Variants in ZNF407 observed in about 807,000 individuals in gnomAD.
ZNF407 encodes the protein zinc finger protein 407.
A neutral mutation model predicts 131.2 loss-of-function variants in ZNF407; 17 were observed. That is an observed-to-expected ratio of 0.13 (90% CI 0.09 to 0.19). ZNF407 has a LOEUF of 0.19. ZNF407 is among the 10% of genes least tolerant of loss of function. The probability of loss-of-function intolerance (pLI) is 1.00; values close to 1 mark genes in which losing one functional copy is unlikely to be tolerated. For synonymous variants in ZNF407, 1,156 were observed against 1,062.0 expected, an observed-to-expected ratio of 1.09 and a Z score of -1.72; for missense variants, 2,681 against 2,830.6, an observed-to-expected ratio of 0.95 and a Z score of 1.20.
intron 8 of ZNF407, among the ~76,000 whole-genome samples, chr18:75,031,169 G>A (rs577090948): frequency 6.6e-6 from 1 of 152,286 alleles, no homozygotes; most frequent in Non-Finnish European, 1.5e-5. Context: ...AAGGGCCAGG[G>A]GAGCTGATTA....
At chr18:74,784,514 C>T (rs1969667416) in intron 4 of ZNF407, among the ~76,000 whole-genome samples, 1 of 152,186 alleles carries the variant, frequency 6.6e-6, no homozygotes, top group Admixed American at 6.5e-5. Context: ...TTCTTTGAGA[C>T]TCTGTGAACA....
chr18:74,741,499 T>G (rs908671290), intron 3 of ZNF407, among the ~76,000 whole-genome samples: 2 of 152,154 alleles, frequency 1.3e-5, no homozygotes, highest in Non-Finnish European at 2.9e-5. Flanking sequence ...ACAGCTAGAA[T>G]CTAAATGATT....
At chr18:75,000,844 A>G (rs2122158689) in intron 8 of ZNF407, among the ~76,000 whole-genome samples, 1 of 152,352 alleles carries the variant, frequency 6.6e-6, no homozygotes, top group East Asian at 1.9e-4. Flanking sequence ...CTGAAAGATC[A>G]TACATATGTG....
At chr18:74,804,500 A>T in intron 4 of ZNF407, 3 of 987,814 alleles carry the variant, frequency 3.0e-6, no homozygotes, top group Non-Finnish European at 3.6e-6. Flanking sequence ...CTTTTGGGAA[A>T]ATTTCACACT....
intron 8 of ZNF407, among the ~76,000 whole-genome samples, chr18:74,956,910 A>G (rs1972282015): frequency 6.6e-6 from 1 of 152,162 alleles, no homozygotes; most frequent in Admixed American, 6.5e-5. Context: ...AATTACATAG[A>G]TCATAGTGTT....
intron 3 of ZNF407, among the ~76,000 whole-genome samples, chr18:74,700,890 A>G (rs1174834862): frequency 1.3e-5 from 2 of 152,130 alleles, no homozygotes; most frequent in Admixed American, 6.6e-5. Context: ...GGTACCAGAC[A>G]TTTAGTGGGA....
At chr18:74,776,712 C>G (rs1265590832) in intron 3 of ZNF407, among the ~76,000 whole-genome samples, 1 of 152,196 alleles carries the variant, frequency 6.6e-6, no homozygotes. Context: ...TAAGTTTTGA[C>G]TCCTCAAAAA....
chr18:74,661,008 C>G (rs1201869891), intron 3 of ZNF407, among the ~76,000 whole-genome samples: 1 of 152,156 alleles, frequency 6.6e-6, no homozygotes, highest in Non-Finnish European at 1.5e-5. Flanking sequence ...AAGCGGATGT[C>G]ATAGAATTCA....
intron 8 of ZNF407, among the ~76,000 whole-genome samples, chr18:74,994,247 A>T (rs2122144053): frequency 6.6e-6 from 1 of 152,326 alleles, no homozygotes; most frequent in Admixed American, 6.5e-5. Context: ...CTCATAAAAA[A>T]AAAATGTGTA....
At position 75,063,350 on chromosome 18, in the gene ZNF407, G is replaced by T. The variant is rs1046715214; in HGVS notation, c.5629G>T (p.Ala1877Ser). ...CTTCCAGGGCTACGACGGGGAGTTT[G>T]CCCTGGACCCCTCGGTGGAGGAGAC... The part of the protein sequence containing the change: ...IIFQGYDGEF[A>S]LDPSVEETAA... The change falls in exon 9 of 9, where the codon GCC becomes TCC. Residue 1877 changes from alanine to serine, a missense_variant. Around this residue, in one of 6 missense-constraint regions of ZNF407, gnomAD observed 620 missense variants for 583.1 expected, o/e 1.06. Coordinates refer to ENST00000299687, the MANE Select transcript of ZNF407 (RefSeq NM_017757.3). This position sits in a 1 kb window ranked among gnomAD's most constrained non-coding sequence, Gnocchi z 6.6. 1.9e-6 allele frequency: 3 copies of T among 1,612,722 alleles called. No individual in the cohort carries two copies. The highest frequency in any genetic ancestry group is 1.7e-5 in the Admixed American group (1 of 59,956).
At chr18:75,038,590 T>C (rs537487611) in intron 8 of ZNF407, among the ~76,000 whole-genome samples, 3 of 152,140 alleles carry the variant, frequency 2.0e-5, no homozygotes, top group Non-Finnish European at 4.4e-5. Context: ...AAGGTGATAC[T>C]GTGTAAAGGA....
chr18:75,059,847 G>A (rs975319535), intron 8 of ZNF407, among the ~76,000 whole-genome samples: 1 of 152,188 alleles, frequency 6.6e-6, no homozygotes, highest in Non-Finnish European at 1.5e-5. Context: ...CTGCCCGTGG[G>A]ACCTGCACGC....
intron 4 of ZNF407, among the ~76,000 whole-genome samples, chr18:74,815,585 A>G (rs999831601): frequency 1.3e-5 from 2 of 152,254 alleles, no homozygotes; most frequent in African/African-American, 2.4e-5. Context: ...AAAATGTAAC[A>G]AACTTTCTTT....
chr18:74,889,215 G>T (rs1418805379), intron 6 of ZNF407, among the ~76,000 whole-genome samples: 1 of 152,092 alleles, frequency 6.6e-6, no homozygotes, highest in Non-Finnish European at 1.5e-5. Flanking sequence ...TCACCACAAT[G>T]CAGTCGCCTA....
At chr18:74,697,246 G>T (rs889288370) in intron 3 of ZNF407, among the ~76,000 whole-genome samples, 6 of 152,044 alleles carry the variant, frequency 3.9e-5, no homozygotes, top group African/African-American at 1.4e-4. Flanking sequence ...TATTAGGTGG[G>T]CAATGTTGTA....
intron 8 of ZNF407, among the ~76,000 whole-genome samples, chr18:75,036,731 T>G (rs1973313112): frequency 6.6e-6 from 1 of 152,228 alleles, no homozygotes; most frequent in African/African-American, 2.4e-5. Flanking sequence ...TTAACTTAGA[T>G]TCTTGCAAAT....
At chr18:74,954,745 A>C (rs1008503845) in intron 8 of ZNF407, among the ~76,000 whole-genome samples, 1 of 152,232 alleles carries the variant, frequency 6.6e-6, no homozygotes, top group Non-Finnish European at 1.5e-5. Flanking sequence ...GTATTCCTAA[A>C]CTATTGTCCA....
chr18:74,636,597 T>C (rs1984474690), intron 2 of ZNF407, among the ~76,000 whole-genome samples: 1 of 152,232 alleles, frequency 6.6e-6, no homozygotes, highest in Non-Finnish European at 1.5e-5. Flanking sequence ...AAATAATGGC[T>C]TATTATTAAA....
Position 74,869,321 on chromosome 18 carries a change from A to AT in ZNF407, c.4878-7875dup, listed in dbSNP as rs552382460. On this transcript the variant is annotated intron_variant, in intron 4 of 8. Transcript: ENST00000299687. ...GACTAGAGAACTGTGGCAGTTTAAT[A>AT]TATGTCTTATTCTCCAGGACTTGAC... Among the ~76,000 whole-genome samples, 55 of 152,194 alleles carry AT rather than the reference A, an allele frequency of 3.6e-4. 1 individual carries two copies. Among genetic ancestry groups the AT allele is most frequent in the Non-Finnish European group, 6.3e-4 (43 of 68,040 alleles).
Sources: allele counts gnomAD v4.1 joint callset (sites outside exome capture counted in the v4.1 genomes callset), GRCh38; gene constraint gnomAD v4.1.1; regional missense constraint gnomAD v4.1.1; non-coding constraint Gnocchi (gnomAD v3.1); transcripts MANE v1.5; gene names NCBI Gene and HGNC (gene_info 2026-07-23, HGNC 2026-07-21).